The following FSTL5 variants were observed in gnomAD, a reference collection of about 807,000 sequenced individuals.
FSTL5 encodes the protein follistatin-related protein 5.
In FSTL5, 62 loss-of-function variants were observed where a neutral mutation model predicts 89.1. The observed-to-expected ratio is 0.70, with a 90% CI of 0.57 to 0.86. The LOEUF (loss-of-function observed/expected upper bound fraction) is 0.86, where lower values mean the gene tolerates loss of function less well. Among genes scored for constraint, FSTL5 ranks in the 40% least tolerant of loss-of-function variants. FSTL5 has a pLI of 0.00. For synonymous variants in FSTL5, 383 were observed against 346.2 expected (o/e 1.11, Z -1.18); for missense variants, 1,057 against 1,001.6 (o/e 1.06, Z -0.75).
intron 11 of FSTL5, among the ~76,000 whole-genome samples, chr4:161,506,312 A>G (rs1428829010): frequency 7.1e-6 from 1 of 140,864 alleles, no homozygotes. Context: ...GCCTCAAGCA[A>G]TCCTCCCTCT....
chr4:162,078,798 A>C (rs2111328158), intron 2 of FSTL5, among the ~76,000 whole-genome samples: 1 of 151,928 alleles, frequency 6.6e-6, no homozygotes, highest in East Asian at 1.9e-4. Context: ...TCACAGGCAC[A>C]AAACATCTGT....
chr4:162,096,634 C>T (rs777258669), intron 2 of FSTL5, among the ~76,000 whole-genome samples: 21 of 151,844 alleles, frequency 1.4e-4, no homozygotes, highest in Non-Finnish European at 2.2e-4. Flanking sequence ...CTCTACAACT[C>T]GACTAATGTG....
At chr4:161,447,293 TA>T (rs1179749061) in intron 15 of FSTL5, among the ~76,000 whole-genome samples, 1 of 152,078 alleles carries the variant, frequency 6.6e-6, no homozygotes, top group Non-Finnish European at 1.5e-5. Flanking sequence ...TCTTCCTTTT[TA>T]AAATAATTAC....
chr4:161,517,969 T>C lies in FSTL5; in HGVS notation c.1313-7545A>G, dbSNP rs73861564. On this transcript the variant is annotated intron_variant, in intron 10 of 15. Coordinates refer to ENST00000306100, the MANE Select transcript of FSTL5 (RefSeq NM_020116.5). ...TAAAAACTTATGGTTAGTTCTATGGTAGTTGAAATTTCTTTGAATATACAT... is the reference window on the plus strand; with the variant it reads ...TAAAAACTTATGGTTAGTTCTATGGCAGTTGAAATTTCTTTGAATATACAT... Among the ~76,000 whole-genome samples the C allele has an allele frequency of 6.9e-3, 1,058 of 152,344 alleles. 9 individuals are homozygous for C. The highest frequency in any genetic ancestry group is 0.023 in the African/African-American group (943 of 41,578).
At chr4:161,594,555 A>G (rs1440731932) in intron 7 of FSTL5, among the ~76,000 whole-genome samples, 1 of 152,006 alleles carries the variant, frequency 6.6e-6, no homozygotes, top group Admixed American at 6.6e-5. Context: ...TTTTAGTTAC[A>G]ATGCCCTTCT....
rs548272921 is a variant in FSTL5, at chr4:161,506,806, T to C, written c.1339+3592A>G. On this transcript the variant is annotated intron_variant, in intron 11 of 15. Transcript: ENST00000306100. ...ACTAATCATGAAGTGTAATGTAATA[T>C]TAACTTTGTTGTATAATTTCACTAC... Among the ~76,000 whole-genome samples, 3 of 152,326 alleles carry C rather than the reference T, an allele frequency of 2.0e-5. No homozygotes were observed. The East Asian group carries it at 5.8e-4, about 29-fold the overall frequency.
intron 6 of FSTL5, among the ~76,000 whole-genome samples, chr4:161,713,888 A>G (rs1738886601): frequency 6.6e-6 from 1 of 152,108 alleles, no homozygotes; most frequent in Admixed American, 6.6e-5. Context: ...AAGTGTTTGC[A>G]TTCTAATTCT....
At position 162,067,751 on chromosome 4, in the gene FSTL5, C is replaced by G. The variant is rs546464798; in HGVS notation, c.127-34093G>C. Among the ~76,000 whole-genome samples, 9 of 151,988 alleles carry G rather than the reference C, an allele frequency of 5.9e-5. No individual in the cohort carries two copies. In the East Asian group the frequency reaches 1.7e-3, roughly 29 times the overall value. On this transcript the variant is annotated intron_variant, in intron 2 of 15. Transcript: ENST00000306100. ...AGGGTATTCAAATAGGAAGAGAGGACGTCAAATTGCCTCTGTTTGCAGATG... is the reference window on the plus strand; with the variant it reads ...AGGGTATTCAAATAGGAAGAGAGGAGGTCAAATTGCCTCTGTTTGCAGATG...
chr4:161,964,952 CT>C (rs1396504676), intron 3 of FSTL5, among the ~76,000 whole-genome samples: 1 of 112,402 alleles, frequency 8.9e-6, no homozygotes, highest in Admixed American at 8.6e-5. Flanking sequence ...CATTCCATTA[CT>C]TTACTTTATT....
At chr4:161,469,454 G>A (rs184191436) in intron 13 of FSTL5, among the ~76,000 whole-genome samples, 3 of 152,016 alleles carry the variant, frequency 2.0e-5, no homozygotes, top group African/African-American at 7.2e-5. Context: ...CTCCAACCCC[G>A]TGCCAAAACT....
intron 3 of FSTL5, among the ~76,000 whole-genome samples, chr4:161,949,549 A>G (rs1194318240): frequency 6.6e-6 from 1 of 151,856 alleles, no homozygotes; most frequent in African/African-American, 2.4e-5. Context: ...TTATGTCTTC[A>G]ATTTTTTTCT....
intron 7 of FSTL5, among the ~76,000 whole-genome samples, chr4:161,614,006 A>G (rs1734751687): frequency 6.6e-6 from 1 of 152,136 alleles, no homozygotes; most frequent in Non-Finnish European, 1.5e-5. Flanking sequence ...AAGATATACA[A>G]TTTCTGAGGG....
rs761458800 is a variant in FSTL5 at position 161,656,346 on chromosome 4, T to C, written c.876A>G (p.Leu292=). The change falls in exon 7 of 16, where the codon TTA becomes TTG. Residue 292 remains leucine, a synonymous_variant. Transcript: ENST00000306100. Reference sequence around the variant, plus strand: ...TACTCACATTGATGTCTTCCAAATCTAAATTATTTAGAATAATATTGTTCC... The same window carrying C: ...TACTCACATTGATGTCTTCCAAATCCAAATTATTTAGAATAATATTGTTCC... ...WKRNNIILNN[L]DLEDINDFGD... 1.3e-6 allele frequency: 2 copies of C among 1,576,012 alleles called. No homozygotes were observed. The highest frequency in any genetic ancestry group is 2.7e-5 in the African/African-American group (2 of 73,294).
At chr4:162,159,172 G>A (rs1733599330) in intron 1 of FSTL5, among the ~76,000 whole-genome samples, 1 of 151,972 alleles carries the variant, frequency 6.6e-6, no homozygotes, top group Admixed American at 6.6e-5. Flanking sequence ...ATATCTAGTG[G>A]TCCAACTACA....
chr4:161,572,318 TAAAAAAAAAAAAAA>T (rs755306574), intron 8 of FSTL5, among the ~76,000 whole-genome samples: 2 of 64,060 alleles, frequency 3.1e-5, no homozygotes, highest in South Asian at 8.2e-4. Context: ...AGACTCCGTC[TAAAAAAAAAAAAAA>T]AAAAAAAAAA....
At chr4:161,531,449 C>A (rs982199251) in intron 10 of FSTL5, among the ~76,000 whole-genome samples, 1 of 152,160 alleles carries the variant, frequency 6.6e-6, no homozygotes, top group Non-Finnish European at 1.5e-5. Context: ...CCCAAAGTTA[C>A]AAATCTTTCC....
intron 4 of FSTL5, among the ~76,000 whole-genome samples, chr4:161,914,946 TA>T (rs1553981699): frequency 6.6e-6 from 1 of 152,176 alleles, no homozygotes; most frequent in Non-Finnish European, 1.5e-5. Context: ...TGATGTCAAG[TA>T]TTCATATAGA....
intron 7 of FSTL5, among the ~76,000 whole-genome samples, chr4:161,629,959 C>G (rs547748318): frequency 6.6e-6 from 1 of 152,180 alleles, no homozygotes; most frequent in Non-Finnish European, 1.5e-5. Context: ...GCCGGCCATT[C>G]TCTTATGCAT....
intron 15 of FSTL5, among the ~76,000 whole-genome samples, chr4:161,431,600 T>G (rs76855362): frequency 6.6e-6 from 1 of 151,940 alleles, no homozygotes. Flanking sequence ...ATGGCAGAAG[T>G]AAGTTCTTAC....
Sources: gnomAD v4.1 joint callset for allele counts (sites outside exome capture counted in the v4.1 genomes callset) on GRCh38, gnomAD v4.1.1 for gene constraint, MANE v1.5 for transcripts, NCBI Gene and HGNC (gene_info 2026-07-23, HGNC 2026-07-21) for gene names.